Variants in LINGO2 observed in about 807,000 individuals in gnomAD.
LINGO2 encodes the protein leucine-rich repeat and immunoglobulin-like domain-containing nogo receptor-interacting protein 2.
LINGO2 carries 14 observed loss-of-function variants against 30.6 expected under a neutral mutation model. The observed-to-expected ratio is 0.46, with a 90% confidence interval of 0.30 to 0.72. The LOEUF (loss-of-function observed/expected upper bound fraction) is 0.72. Ranked by LOEUF, LINGO2 falls within the 30% of genes least tolerant of loss-of-function variation. LINGO2 has a pLI of 0.07. For synonymous variants in LINGO2, 317 were observed against 288.5 expected, an observed-to-expected ratio of 1.10 and a Z score of -1.00; for missense variants, 729 against 751.7, an observed-to-expected ratio of 0.97 and a Z score of 0.35.
the LINGO2 span, among the ~76,000 whole-genome samples, chr9:29,078,954 A>T: frequency 6.6e-6 from 1 of 151,886 alleles, no homozygotes; most frequent in Non-Finnish European, 1.5e-5. Context: ...TATTTCATTA[A>T]ATCATTATAT....
the LINGO2 span, among the ~76,000 whole-genome samples, chr9:29,161,088 T>C: frequency 6.6e-6 from 1 of 152,162 alleles, no homozygotes; most frequent in Non-Finnish European, 1.5e-5. Flanking sequence ...CTCACACTCA[T>C]GCCCAGAGGG....
chr9:28,283,139 A>C (rs911545176), intron 4 of LINGO2, among the ~76,000 whole-genome samples: 2 of 152,230 alleles, frequency 1.3e-5, no homozygotes, highest in East Asian at 3.8e-4. Flanking sequence ...TACTTAGAGA[A>C]AGAAAAATCC....
chr9:28,154,038 A>G (rs1161481037), intron 4 of LINGO2, among the ~76,000 whole-genome samples: 1 of 152,156 alleles, frequency 6.6e-6, no homozygotes, highest in East Asian at 1.9e-4. Context: ...ATCATTTTTA[A>G]TGGAGAATCA....
chr9:28,416,619 T>G (rs959400140), intron 2 of LINGO2, among the ~76,000 whole-genome samples: 1 of 152,104 alleles, frequency 6.6e-6, no homozygotes, highest in Non-Finnish European at 1.5e-5. Flanking sequence ...ACACTCAGCT[T>G]CAAATCCCAT....
the LINGO2 span, among the ~76,000 whole-genome samples, chr9:28,681,732 T>C: frequency 2.6e-5 from 4 of 152,062 alleles, no homozygotes; most frequent in East Asian, 7.7e-4. Context: ...ACTGTGTTCC[T>C]TTACCTATAA....
At chr9:28,047,904 T>G (rs1355354081) in intron 4 of LINGO2, among the ~76,000 whole-genome samples, 1 of 150,834 alleles carries the variant, frequency 6.6e-6, no homozygotes, top group African/African-American at 2.5e-5. Context: ...CCAGGGAAAT[T>G]TACAGATTTA....
the LINGO2 span, among the ~76,000 whole-genome samples, chr9:29,022,682 T>G: frequency 6.6e-6 from 1 of 152,168 alleles, no homozygotes; most frequent in African/African-American, 2.4e-5. Flanking sequence ...GCACTGACTT[T>G]TTGTAAGTAT....
chr9:29,165,752 TA>T, the LINGO2 span, among the ~76,000 whole-genome samples: 2 of 152,060 alleles, frequency 1.3e-5, no homozygotes, highest in African/African-American at 4.8e-5. Flanking sequence ...GATTAAAGTT[TA>T]AAAAAACTGA....
the LINGO2 span, among the ~76,000 whole-genome samples, chr9:29,212,311 T>G: frequency 6.6e-6 from 1 of 151,408 alleles, no homozygotes; most frequent in Non-Finnish European, 1.5e-5. Context: ...CCCCGCCGCC[T>G]CCTGGCGCCC....
intron 2 of LINGO2, among the ~76,000 whole-genome samples, chr9:28,395,421 T>C (rs1821999104): frequency 2.0e-5 from 3 of 152,116 alleles, no homozygotes; most frequent in South Asian, 4.1e-4. Flanking sequence ...TTTAGAAGAG[T>C]ATGTATTCGT....
intron 1 of LINGO2, among the ~76,000 whole-genome samples, chr9:28,617,716 T>C: frequency 6.6e-6 from 1 of 151,916 alleles, no homozygotes; most frequent in East Asian, 1.9e-4. Flanking sequence ...CATCCCTGTT[T>C]TCATCTTTAC....
At chr9:28,092,951 CT>C (rs1408081901) in intron 4 of LINGO2, among the ~76,000 whole-genome samples, 1 of 151,988 alleles carries the variant, frequency 6.6e-6, no homozygotes, top group African/African-American at 2.4e-5. Flanking sequence ...TTATCACAAC[CT>C]TATGAGTTAA....
rs763087259 is a variant in LINGO2, at chr9:28,199,345, T to TTC, written c.-87+95862_-87+95863insGA. ...TATCTTCTTCTTCTTCTTCTTCTTC[T>TTC]TTTTTTTTTTTTGAGACGGAGTCTC... On this transcript the variant is annotated intron_variant, in intron 4 of 5. Coordinates refer to ENST00000379992, the Ensembl canonical transcript of LINGO2. Among the ~76,000 whole-genome samples, 5 of 86,112 alleles carry TTC rather than the reference T, an allele frequency of 5.8e-5. 1 individual carries two copies. Among genetic ancestry groups the TTC allele is most frequent in the African/African-American group, 1.7e-4 (5 of 29,092 alleles). 56.5% of individuals were successfully genotyped at this position (86,112 alleles called of 152,430 possible).
At chr9:28,309,256 A>G (rs942810873) in intron 3 of LINGO2, among the ~76,000 whole-genome samples, 3 of 152,198 alleles carry the variant, frequency 2.0e-5, no homozygotes. Flanking sequence ...GCAGCCATAA[A>G]AAATGATGAG....
intron 5 of LINGO2, among the ~76,000 whole-genome samples, chr9:27,983,261 A>C (rs1013384551): frequency 3.9e-5 from 6 of 152,026 alleles, no homozygotes; most frequent in Non-Finnish European, 2.9e-5. Flanking sequence ...AATAGTAGAG[A>C]TGTTACTGCC....
chr9:28,889,512 T>C, the LINGO2 span, among the ~76,000 whole-genome samples: 1 of 152,092 alleles, frequency 6.6e-6, no homozygotes, highest in East Asian at 1.9e-4. Flanking sequence ...GTGATGATGA[T>C]ATAATAACTG....
the LINGO2 span, among the ~76,000 whole-genome samples, chr9:28,725,987 C>T: frequency 6.6e-6 from 1 of 152,110 alleles, no homozygotes; most frequent in African/African-American, 2.4e-5. Flanking sequence ...AATAATAAAA[C>T]ATGTGCCAAA....
At chr9:29,028,004 T>G in the LINGO2 span, among the ~76,000 whole-genome samples, 4 of 152,162 alleles carry the variant, frequency 2.6e-5, no homozygotes, top group African/African-American at 9.6e-5. Context: ...CAAACTTTCC[T>G]GATAATTCAG....
chr9:28,143,929 T>C (rs528380863), intron 4 of LINGO2, among the ~76,000 whole-genome samples: 45 of 152,326 alleles, frequency 3.0e-4, no homozygotes, highest in Middle Eastern at 3.4e-3. Context: ...AAACTTTTGT[T>C]GTGACTTCTT....
Sources: gnomAD v4.1 joint callset for allele counts (sites outside exome capture counted in the v4.1 genomes callset) on GRCh38, gnomAD v4.1.1 for gene constraint, MANE v1.5 for transcripts, NCBI Gene and HGNC (gene_info 2026-07-23, HGNC 2026-07-21) for gene names.